DTNA: variants seen among roughly 807,000 people sequenced by gnomAD.
DTNA encodes the protein dystrobrevin alpha, also known as dystrophin-related protein 3.
In DTNA, 43 loss-of-function variants were observed where a neutral mutation model predicts 100.7. The ratio of observed to expected loss-of-function variants is 0.43; its 90% confidence interval spans 0.33 to 0.55. DTNA has a LOEUF of 0.55. Among genes scored for constraint, DTNA ranks in the 20% least tolerant of loss-of-function variants. DTNA has a pLI of 0.04. For synonymous variants in DTNA, 349 were observed against 347.9 expected, an observed-to-expected ratio of 1.00 and a Z score of -0.04; for missense variants, 798 against 953.9, an observed-to-expected ratio of 0.84 and a Z score of 2.15.
At chr18:34,749,044 T>C (rs1006496310) in intron 1 of DTNA, among the ~76,000 whole-genome samples, 1 of 152,138 alleles carries the variant, frequency 6.6e-6, no homozygotes, top group Non-Finnish European at 1.5e-5. Flanking sequence ...TATCCATAAG[T>C]ATTTTATTTT....
intron 13 of DTNA, among the ~76,000 whole-genome samples, chr18:34,841,533 G>T (rs2096268499): frequency 6.6e-6 from 1 of 152,144 alleles, no homozygotes; most frequent in African/African-American, 2.4e-5. Context: ...AACAGCTGGA[G>T]TAAGAATAAT....
rs144749403 is a variant in DTNA at position 34,555,567 on chromosome 18, T to G, written c.-2+62053T>G. Among the ~76,000 whole-genome samples, 770 of 152,344 alleles carry G rather than the reference T, an allele frequency of 5.1e-3. 4 individuals are homozygous for G. Among genetic ancestry groups the G allele is most frequent in the Non-Finnish European group, 9.0e-3 (610 of 68,026 alleles). ...TTTGAATGCGTCCCAGAGATTCTAG[T>G]GTGTTGTGTCTTTGTTCTCGTTGGT... On this transcript the variant is annotated intron_variant, in intron 1 of 19. Coordinates refer to the DTNA transcript ENST00000283365.
Position 34,836,450 on chromosome 18 carries a change from C to T in DTNA, c.1176-1644C>T, listed in dbSNP as rs552626853. Among the ~76,000 whole-genome samples the T allele has an allele frequency of 1.6e-4, 24 of 152,032 alleles. No individual in the cohort carries two copies. The South Asian group carries it at 3.1e-3, about 20-fold the overall frequency. ...GGCAGATCACTTGAGGTCGGGAGTTCGAGACCAGCCAACATGGTGAAACCC... is the reference window on the plus strand; with the variant it reads ...GGCAGATCACTTGAGGTCGGGAGTTTGAGACCAGCCAACATGGTGAAACCC... On this transcript the variant is annotated intron_variant, in intron 11 of 22. Transcript: ENST00000444659.
In DTNA at chr18:34,793,431, T is replaced by TCTG. The variant is rs545486387; in HGVS notation, c.149-595_149-593dup. ...CTAGTTCAGTGATGTGTGACTTAGT[T>TCTG]CTGCTGCTGCTGCAGTGTATACATA... is the stretch of plus-strand genomic sequence containing the variant. On this transcript the variant is annotated intron_variant, in intron 3 of 22. Transcript: ENST00000444659. Among the ~76,000 whole-genome samples, 633 of 152,346 alleles carry TCTG rather than the reference T, an allele frequency of 4.2e-3. 2 individuals are homozygous for TCTG. Among genetic ancestry groups the TCTG allele is most frequent in the African/African-American group, 0.015 (615 of 41,568 alleles).
chr18:34,799,846 G>A (rs955145403), intron 4 of DTNA, among the ~76,000 whole-genome samples: 1 of 152,074 alleles, frequency 6.6e-6, no homozygotes, highest in Non-Finnish European at 1.5e-5. Context: ...AGGGGTATGG[G>A]GGCATTCCAA....
chr18:34,611,933 TG>T (rs2054289727), intron 1 of DTNA, among the ~76,000 whole-genome samples: 2 of 152,196 alleles, frequency 1.3e-5, no homozygotes, highest in Non-Finnish European at 2.9e-5. Context: ...GCTGGGCTGG[TG>T]GCACTGGGCC....
At chr18:34,887,420 C>T (rs1192278283) in intron 22 of DTNA, among the ~76,000 whole-genome samples, 1 of 152,070 alleles carries the variant, frequency 6.6e-6, no homozygotes, top group African/African-American at 2.4e-5. Flanking sequence ...TTTTAAAAAC[C>T]AACGTGGCAG....
At chr18:34,575,102 T>G (rs761463753) in intron 1 of DTNA, among the ~76,000 whole-genome samples, 11 of 152,204 alleles carry the variant, frequency 7.2e-5, no homozygotes, top group Admixed American at 2.0e-4. Flanking sequence ...GTGAAACATT[T>G]CTTCTCTCTT....
chr18:34,743,299 T>C (rs1480216282), intron 1 of DTNA, among the ~76,000 whole-genome samples: 10 of 152,184 alleles, frequency 6.6e-5, no homozygotes, highest in Non-Finnish European at 1.5e-5. Flanking sequence ...GCCTGTTTCT[T>C]TTCCATGTGG....
Position 34,858,321 on chromosome 18 carries a change from G to C in DTNA, c.1569G>C (p.Glu523Asp), listed in dbSNP as rs750471288. The part of the protein sequence containing the change: ...ILQEIQRLRL[E>D]HEQASQPTPE... ...AGGAGATCCAGAGACTTCGGCTAGA[G>C]CATGAACAAGCTTCTCAGCCCACGC... Residue 523 changes from glutamate to aspartate, a missense_variant, in exon 16 of 23, where the codon GAG becomes GAC. Glu to Asp is a conservative substitution (Grantham distance 45). This residue lies in a region of DTNA where 159 missense variants were observed against 201.2 expected (regional missense o/e 0.79). Transcript: ENST00000444659. 6.2e-7 allele frequency: 1 copy of C among 1,614,104 alleles called. No homozygotes were observed. Among genetic ancestry groups the C allele is most frequent in the East Asian group, 2.2e-5 (1 of 44,854 alleles).
chr18:34,627,213 G>A (rs555233104), intron 1 of DTNA, among the ~76,000 whole-genome samples: 1 of 151,972 alleles, frequency 6.6e-6, no homozygotes, highest in African/African-American at 2.4e-5. Context: ...TGATTTAAGT[G>A]ACTTGATCTT....
chr18:34,551,191 T>G lies in DTNA; in HGVS notation c.-2+57677T>G, dbSNP rs556991964. Among the ~76,000 whole-genome samples, 56 of 152,296 alleles carry G rather than the reference T, an allele frequency of 3.7e-4. No individual in the cohort carries two copies. In the South Asian group the frequency reaches 0.011, roughly 30 times the overall value. ...AGAGTTTTGTTTTAGCTCGCCTATC[T>G]TATTCCACAGAGATTGATAATTTCC... On this transcript the variant is annotated intron_variant, in intron 1 of 19. Transcript: ENST00000283365.
At chr18:34,609,973 A>G (rs2053910283) in intron 1 of DTNA, among the ~76,000 whole-genome samples, 1 of 152,162 alleles carries the variant, frequency 6.6e-6, no homozygotes, top group Non-Finnish European at 1.5e-5. Context: ...ATTTTCTCCA[A>G]AGAGCTTAGC....
intron 1 of DTNA, among the ~76,000 whole-genome samples, chr18:34,728,086 C>T (rs898625483): frequency 3.3e-5 from 5 of 152,070 alleles, no homozygotes; most frequent in Admixed American, 1.3e-4. Flanking sequence ...GTATTACTTT[C>T]GCAATGTTGT....
intron 1 of DTNA, among the ~76,000 whole-genome samples, chr18:34,528,813 A>C (rs1481036024): frequency 2.0e-5 from 3 of 152,102 alleles, no homozygotes; most frequent in African/African-American, 7.2e-5. Context: ...TTAAACTTAC[A>C]GTTGAAAATT....
At chr18:34,636,203 C>T (rs1432164806) in intron 1 of DTNA, among the ~76,000 whole-genome samples, 2 of 152,118 alleles carry the variant, frequency 1.3e-5, no homozygotes, top group African/African-American at 4.8e-5. Context: ...TGGAGTGCAG[C>T]GGCATGATCT....
intron 1 of DTNA, among the ~76,000 whole-genome samples, chr18:34,655,897 G>A (rs900768751): frequency 1.3e-5 from 2 of 152,154 alleles, no homozygotes; most frequent in African/African-American, 4.8e-5. Context: ...AAGAAATTAA[G>A]TCTTCATTTT....
intron 9 of DTNA, chr18:34,825,136 T>G: frequency 8.1e-7 from 1 of 1,234,694 alleles, no homozygotes; most frequent in Non-Finnish European, 1.2e-6. Context: ...CAGTCATGAA[T>G]TAGTCCTTAA....
chr18:34,523,022 A>G (rs2042290158), intron 1 of DTNA, among the ~76,000 whole-genome samples: 1 of 152,218 alleles, frequency 6.6e-6, no homozygotes, highest in Non-Finnish European at 1.5e-5. Flanking sequence ...AAGCAAAGAA[A>G]TCAATGTTTC....
Sources: gnomAD v4.1 joint callset for allele counts (sites outside exome capture counted in the v4.1 genomes callset) on GRCh38, gnomAD v4.1.1 for gene constraint, gnomAD v4.1.1 regional missense constraint, MANE v1.5 for transcripts, NCBI Gene and HGNC (gene_info 2026-07-23, HGNC 2026-07-21) for gene names.